The following DENND2B variants were observed in gnomAD, a reference collection of about 807,000 sequenced individuals.
DENND2B encodes the protein DENN domain containing 2B.
Under a neutral mutation model 116.0 loss-of-function variants are expected in DENND2B, and 32 were observed. That is an observed-to-expected ratio of 0.28 (90% CI 0.21 to 0.37). DENND2B has a LOEUF of 0.37. Ranked by LOEUF, DENND2B falls within the 10% of genes least tolerant of loss-of-function variation. The probability of loss-of-function intolerance (pLI) is 1.00; values close to 1 mark genes in which losing one functional copy is unlikely to be tolerated. For missense variants in DENND2B, 1,276 were observed against 1,477.7 expected (o/e 0.86, Z 2.24); for synonymous variants, 588 against 583.9 (o/e 1.01, Z -0.10).
At chr11:8,718,633 C>T in intron 4 of DENND2B, 2 of 1,314,712 alleles carry the variant, frequency 1.5e-6, no homozygotes, top group Non-Finnish European at 1.9e-6. Context: ...AACTCTCCTG[C>T]TGTGACACAG....
intron 1 of DENND2B, chr11:8,787,084 A>G (rs914216236): frequency 6.6e-6 from 1 of 152,202 alleles, no homozygotes; most frequent in Non-Finnish European, 1.5e-5. Context: ...TACAGCTAGT[A>G]AAAGGAGGAG....
intron 1 of DENND2B, among the ~76,000 whole-genome samples, chr11:8,784,751 T>A (rs1044754239): frequency 1.3e-5 from 2 of 151,396 alleles, no homozygotes; most frequent in South Asian, 4.2e-4. Context: ...GGCAGGAGAA[T>A]GGCTTGAACC....
At chr11:8,868,670 G>A (rs1327810306) in intron 2 of DENND2B, among the ~76,000 whole-genome samples, 1 of 152,238 alleles carries the variant, frequency 6.6e-6, no homozygotes, top group Non-Finnish European at 1.5e-5. Context: ...ACTGAAGGAT[G>A]AAAGAGAGAG....
chr11:8,761,734 C>G (rs1253668773), intron 1 of DENND2B, among the ~76,000 whole-genome samples: 1 of 152,142 alleles, frequency 6.6e-6, no homozygotes, highest in Non-Finnish European at 1.5e-5. Context: ...CAAGCTGCCT[C>G]CTCTGCTCTA....
chr11:8,851,931 CAACT>C (rs146870241), intron 3 of DENND2B, among the ~76,000 whole-genome samples: 4,683 of 152,098 alleles, frequency 0.031, 228 homozygotes, highest in African/African-American at 0.11. Context: ...GTATGAAATT[CAACT>C]AACTAATTAG....
chr11:8,817,775 G>C (rs2061621076), intron 4 of DENND2B, among the ~76,000 whole-genome samples: 1 of 152,036 alleles, frequency 6.6e-6, no homozygotes, highest in Non-Finnish European at 1.5e-5. Context: ...GTTTCTTGGA[G>C]TCTCTGTGAT....
At position 8,702,110 on chromosome 11, in the gene DENND2B, C is replaced by T. The variant is rs984858225; in HGVS notation, c.2720+462G>A. Among the ~76,000 whole-genome samples the T allele has an allele frequency of 5.3e-5, 8 of 152,122 alleles. No individual in the cohort carries two copies. Among genetic ancestry groups the T allele is most frequent in the Middle Eastern group, 3.2e-3 (1 of 316 alleles). ...CAGGGGACACCCTCCACAGGACCCT[C>T]GCTGGCTGGCTCAGCATTCCTCACA... is the stretch of plus-strand genomic sequence containing the variant. On this transcript the variant is annotated intron_variant, in intron 14 of 19. Coordinates refer to ENST00000313726, the MANE Select transcript of DENND2B (RefSeq NM_213618.2). The surrounding 1 kb of genome is among the most constrained non-coding windows in gnomAD (Gnocchi z 4.6).
chr11:8,808,754 C>CA (rs1228399752), intron 1 of DENND2B: 12 of 152,300 alleles, frequency 7.9e-5, no homozygotes, highest in African/African-American at 2.9e-4. Context: ...CTCCTCCCAA[C>CA]AGTCCTGTGA....
intron 1 of DENND2B, among the ~76,000 whole-genome samples, chr11:8,751,426 T>A (rs1199573770): frequency 6.6e-6 from 1 of 152,146 alleles, no homozygotes; most frequent in Non-Finnish European, 1.5e-5. Context: ...TCGGGTCCCC[T>A]TCCACACTGT....
At chr11:8,701,093 A>G (rs904864752) in intron 14 of DENND2B, among the ~76,000 whole-genome samples, 2 of 152,120 alleles carry the variant, frequency 1.3e-5, no homozygotes, top group African/African-American at 2.4e-5. Flanking sequence ...CATTTCCTTT[A>G]AAGCAGCTCA....
chr11:8,840,057 A>G (rs999524019), intron 3 of DENND2B, among the ~76,000 whole-genome samples: 1 of 152,050 alleles, frequency 6.6e-6, no homozygotes, highest in African/African-American at 2.4e-5. Context: ...GACAAAAGGA[A>G]GGAGTGACCT....
At chr11:8,813,095 T>A (rs2061450640), upstream of DENND2B, among the ~76,000 whole-genome samples, 1 of 152,198 alleles carries the variant, frequency 6.6e-6, no homozygotes, top group Non-Finnish European at 1.5e-5. Context: ...GATAGAATCT[T>A]TAATGCAACA....
chr11:8,838,175 C>G (rs1414517313), intron 4 of DENND2B, among the ~76,000 whole-genome samples: 2 of 152,214 alleles, frequency 1.3e-5, no homozygotes, highest in Non-Finnish European at 2.9e-5. Context: ...ACTAAGGATG[C>G]TCACACTAAT....
intron 1 of DENND2B, among the ~76,000 whole-genome samples, chr11:8,899,226 C>G (rs2064136614): frequency 6.6e-6 from 1 of 151,690 alleles, no homozygotes; most frequent in Admixed American, 6.6e-5. Flanking sequence ...GAGATACCAC[C>G]AAACATACTA....
intron 2 of DENND2B, among the ~76,000 whole-genome samples, chr11:8,868,146 G>A (rs1054113863): frequency 1.3e-5 from 2 of 152,156 alleles, no homozygotes; most frequent in Non-Finnish European, 2.9e-5. Context: ...GAGCAGCCCC[G>A]TGGTCACTCC....
chr11:8,751,275 A>C (rs1565843190), intron 1 of DENND2B, among the ~76,000 whole-genome samples: 1 of 152,124 alleles, frequency 6.6e-6, no homozygotes, highest in Non-Finnish European at 1.5e-5. Context: ...TGCACCAATC[A>C]GCACCCTGTC....
intron 2 of DENND2B, among the ~76,000 whole-genome samples, chr11:8,743,543 C>T (rs2050638882): frequency 6.6e-6 from 1 of 151,848 alleles, no homozygotes; most frequent in Non-Finnish European, 1.5e-5. Flanking sequence ...GAGTGAGACC[C>T]TGTCTCAAAA....
At position 8,717,804 on chromosome 11, in the gene DENND2B, G is replaced by C. The variant is rs1459046112; in HGVS notation, c.1566C>G (p.Ser522=). 1 of 1,612,704 alleles carries C rather than the reference G, an allele frequency of 6.2e-7. No homozygotes were observed. Among genetic ancestry groups the C allele is most frequent in the African/African-American group, 1.3e-5 (1 of 74,860 alleles). ...TCCACATCCTGTGCAAAGAGTCCAA[G>C]GAGTTCTCAGACAGTTGCTGGGATT... ...GRKSQQLSEN[S]LDSLHRMWSP... The change falls in exon 5 of 20, where the codon TCC becomes TCG. Residue 522 remains serine, a synonymous_variant. Transcript: ENST00000313726.
At chr11:8,772,064 C>A (rs920567310) in intron 1 of DENND2B, 1 of 151,864 alleles carries the variant, frequency 6.6e-6, no homozygotes, top group Non-Finnish European at 1.5e-5. Flanking sequence ...TCAGAGAGCT[C>A]CCGGGTTGGT....
Sources: allele counts gnomAD v4.1 joint callset (sites outside exome capture counted in the v4.1 genomes callset), GRCh38; gene constraint gnomAD v4.1.1; non-coding constraint Gnocchi (gnomAD v3.1); transcripts MANE v1.5; gene names NCBI Gene and HGNC (gene_info 2026-07-23, HGNC 2026-07-21).